The following PBX3 variants were observed in gnomAD, a reference collection of about 807,000 sequenced individuals.
PBX3 encodes the protein PBX homeobox 3, also known as pre-B-cell leukemia transcription factor 3.
In PBX3, 14 loss-of-function variants were observed where a neutral mutation model predicts 48.5. The observed-to-expected ratio is 0.29, with a 90% CI of 0.19 to 0.45. PBX3 has a LOEUF of 0.45. Among genes scored for constraint, PBX3 ranks in the 20% least tolerant of loss-of-function variants. The pLI is 1.00. For synonymous variants in PBX3, 210 were observed against 200.3 expected, an observed-to-expected ratio of 1.05 and a Z score of -0.41; for missense variants, 386 against 546.7, an observed-to-expected ratio of 0.71 and a Z score of 2.93.
chr9:125,780,773 G>A (rs1354608551), intron 2 of PBX3, among the ~76,000 whole-genome samples: 2 of 139,822 alleles, frequency 1.4e-5, no homozygotes, highest in Non-Finnish European at 3.1e-5. Context: ...CGGGCGGGGG[G>A]CTGACCCCCC....
At chr9:125,849,506 A>G (rs192379275) in intron 2 of PBX3, among the ~76,000 whole-genome samples, 1 of 152,116 alleles carries the variant, frequency 6.6e-6, no homozygotes, top group East Asian at 1.9e-4. Context: ...ATGAACCAAG[A>G]GTAGATGTTA....
chr9:125,943,944 C>T (rs1050519647), intron 5 of PBX3, among the ~76,000 whole-genome samples: 7 of 152,208 alleles, frequency 4.6e-5, no homozygotes, highest in Non-Finnish European at 1.0e-4. Flanking sequence ...GGAACAAATA[C>T]TGTGACCTCA....
chr9:125,774,914 C>G (rs988077075), intron 2 of PBX3, among the ~76,000 whole-genome samples: 6 of 151,944 alleles, frequency 3.9e-5, no homozygotes, highest in Admixed American at 6.6e-5. Flanking sequence ...CTCTGTCACC[C>G]AGACTGGAGT....
At chr9:125,766,224 ATTC>A (rs1312163483) in intron 2 of PBX3, among the ~76,000 whole-genome samples, 2 of 152,084 alleles carry the variant, frequency 1.3e-5, no homozygotes, top group African/African-American at 2.4e-5. Context: ...CTGATACTAT[ATTC>A]TTCTAATTCT....
chr9:125,798,446 C>A (rs1837845645), intron 2 of PBX3, among the ~76,000 whole-genome samples: 1 of 152,012 alleles, frequency 6.6e-6, no homozygotes, highest in Non-Finnish European at 1.5e-5. Context: ...GATTGTTAAA[C>A]CCCTACTAAG....
intron 5 of PBX3, among the ~76,000 whole-genome samples, chr9:125,938,701 G>A (rs1001085936): frequency 4.6e-5 from 7 of 152,132 alleles, no homozygotes; most frequent in African/African-American, 1.7e-4. Context: ...AGAAAGGCCA[G>A]GGAAATGTTC....
At chr9:125,914,454 A>T (rs578215919) in intron 2 of PBX3, among the ~76,000 whole-genome samples, 1 of 152,230 alleles carries the variant, frequency 6.6e-6, no homozygotes, top group Non-Finnish European at 1.5e-5. Context: ...TAGGAATGAA[A>T]TCTGTTCTTA....
chr9:125,821,093 G>A (rs924589548), intron 2 of PBX3, among the ~76,000 whole-genome samples: 2 of 152,108 alleles, frequency 1.3e-5, no homozygotes, highest in Non-Finnish European at 2.9e-5. Context: ...CTCAAGCTGC[G>A]TTTGCCTTTA....
At chr9:125,826,391 T>A (rs1326997764) in intron 2 of PBX3, among the ~76,000 whole-genome samples, 1 of 152,206 alleles carries the variant, frequency 6.6e-6, no homozygotes, top group Non-Finnish European at 1.5e-5. Flanking sequence ...GAATTGAAAA[T>A]CAGATAATAT....
chr9:125,801,608 C>T lies in PBX3; in HGVS notation c.274+52985C>T, dbSNP rs182912202. Among the ~76,000 whole-genome samples, 16 of 152,148 alleles carry T rather than the reference C, an allele frequency of 1.1e-4. No homozygotes were observed. The East Asian group carries it at 2.7e-3, about 26-fold the overall frequency. ...AGATTTTTTGCAGAAATTTCTCTCCCTTCTCTCATAATAAAATTAGTGATG... is the reference window on the plus strand; with the variant it reads ...AGATTTTTTGCAGAAATTTCTCTCCTTTCTCTCATAATAAAATTAGTGATG... On this transcript the variant is annotated intron_variant, in intron 2 of 8. Transcript: ENST00000373489.
intron 2 of PBX3, among the ~76,000 whole-genome samples, chr9:125,864,269 GAGA>G (rs1839928735): frequency 6.6e-6 from 1 of 152,064 alleles, no homozygotes; most frequent in African/African-American, 2.4e-5. Context: ...CACTCTTTTT[GAGA>G]AGAATTTTGG....
At chr9:125,879,217 A>G (rs1840325637) in intron 2 of PBX3, among the ~76,000 whole-genome samples, 1 of 151,610 alleles carries the variant, frequency 6.6e-6, no homozygotes, top group Non-Finnish European at 1.5e-5. Flanking sequence ...AGCTGGGACT[A>G]CAGGTGCACT....
rs1454972424 is a variant in PBX3, at chr9:125,965,867, T to G, written c.1249T>G (p.Ser417Ala). Residue 417 changes from serine to alanine, a missense_variant, in exon 9 of 9, where the codon TCT becomes GCT. Ser to Ala is a moderately conservative substitution (Grantham distance 99, BLOSUM62 1). Transcript: ENST00000373489. ...GGWQDATTPSSVTSPTEGPGS... is the reference protein window; with the variant it reads ...GGWQDATTPSAVTSPTEGPGS... ...CTGGCAGGACGCAACAACTCCATCT[T>G]CTGTGACTTCTCCTACAGAAGGCCC... 5 of 1,614,080 alleles carry G rather than the reference T, an allele frequency of 3.1e-6. No homozygotes were observed. The highest frequency in any genetic ancestry group is 4.2e-6 in the Non-Finnish European group (5 of 1,180,022).
At chr9:125,903,974 AC>A in intron 2 of PBX3, among the ~76,000 whole-genome samples, 1 of 151,818 alleles carries the variant, frequency 6.6e-6, no homozygotes, top group Non-Finnish European at 1.5e-5. Flanking sequence ...TAATAATAGT[AC>A]CTGCCTTACT....
intron 5 of PBX3, among the ~76,000 whole-genome samples, chr9:125,952,426 G>A (rs934329658): frequency 3.9e-5 from 6 of 152,046 alleles, no homozygotes; most frequent in East Asian, 1.9e-4. Flanking sequence ...TTATTAACAC[G>A]GTCAATAAAT....
Position 125,759,270 on chromosome 9 carries a change from G to A in PBX3, c.274+10647G>A, listed in dbSNP as rs1228708406. On this transcript the variant is annotated intron_variant, in intron 2 of 8. Transcript: ENST00000373489. The surrounding 1 kb of genome is among the most constrained non-coding windows in gnomAD (Gnocchi z 4.2). ...CTCAGTAAATATATGCTGGAGAACAGAAGCCTATTCACTGAAGAAACAATT... is the reference window on the plus strand; with the variant it reads ...CTCAGTAAATATATGCTGGAGAACAAAAGCCTATTCACTGAAGAAACAATT... Among the ~76,000 whole-genome samples the A allele has an allele frequency of 1.3e-5, 2 of 152,212 alleles. No homozygotes were observed. The highest frequency in any genetic ancestry group is 4.8e-5 in the African/African-American group (2 of 41,450).
At chr9:125,879,028 G>T (rs1316924376) in intron 2 of PBX3, among the ~76,000 whole-genome samples, 1 of 150,774 alleles carries the variant, frequency 6.6e-6, no homozygotes, top group Non-Finnish European at 1.5e-5. Flanking sequence ...CTTAAGCACT[G>T]CTGTCAAAAC....
At chr9:125,890,945 G>A (rs1840627298) in intron 2 of PBX3, among the ~76,000 whole-genome samples, 1 of 152,192 alleles carries the variant, frequency 6.6e-6, no homozygotes, top group Admixed American at 6.5e-5. Flanking sequence ...TTGGCCAGGA[G>A]CAATCACACT....
At chr9:125,849,930 A>G (rs547095227) in intron 2 of PBX3, among the ~76,000 whole-genome samples, 2 of 152,136 alleles carry the variant, frequency 1.3e-5, no homozygotes, top group South Asian at 4.1e-4. Flanking sequence ...CCAGCAAACC[A>G]TAGGTATATT....
Sources: allele counts gnomAD v4.1 joint callset (sites outside exome capture counted in the v4.1 genomes callset), GRCh38; gene constraint gnomAD v4.1.1; non-coding constraint Gnocchi (gnomAD v3.1); transcripts MANE v1.5; gene names NCBI Gene and HGNC (gene_info 2026-07-23, HGNC 2026-07-21).